PCDH15: variants seen among roughly 807,000 people sequenced by gnomAD.
The protein encoded by PCDH15 is protocadherin-15.
PCDH15 carries 129 observed loss-of-function variants against 178.5 expected under a neutral mutation model. The observed-to-expected ratio is 0.72, with a 90% CI of 0.63 to 0.84. PCDH15 has a LOEUF of 0.84. Ranked by LOEUF, PCDH15 falls within the 40% of genes least tolerant of loss-of-function variation. The pLI, the probability that PCDH15 is intolerant of heterozygous loss-of-function variation, is 0.00. For missense variants in PCDH15, 2,230 were observed against 2,099.9 expected (o/e 1.06, Z -1.21); for synonymous variants, 800 against 732.0 (o/e 1.09, Z -1.50).
intron 8 of PCDH15, among the ~76,000 whole-genome samples, chr10:54,315,222 A>G (rs1305755043): frequency 2.0e-5 from 3 of 152,152 alleles, no homozygotes; most frequent in African/African-American, 4.8e-5. Flanking sequence ...TTTTAATAAT[A>G]GTCATTTTGA....
At chr10:53,835,226 G>T (rs2077236518) in intron 29 of PCDH15, among the ~76,000 whole-genome samples, 1 of 152,134 alleles carries the variant, frequency 6.6e-6, no homozygotes. Flanking sequence ...GTCTAAGTGT[G>T]TTTTTAAACA....
intron 1 of PCDH15, among the ~76,000 whole-genome samples, chr10:55,266,766 T>A (rs1019928221): frequency 6.6e-6 from 1 of 151,822 alleles, no homozygotes. Context: ...CCACACAGAG[T>A]CTGGCCAAGG....
At chr10:54,032,394 G>A (rs375565883) in intron 18 of PCDH15, among the ~76,000 whole-genome samples, 13 of 151,710 alleles carry the variant, frequency 8.6e-5, no homozygotes, top group African/African-American at 2.9e-4. Flanking sequence ...AGGACAGGAT[G>A]GCTTATTTAT....
chr10:55,104,391 C>A (rs1842632547), intron 2 of PCDH15, among the ~76,000 whole-genome samples: 1 of 152,098 alleles, frequency 6.6e-6, no homozygotes, highest in African/African-American at 2.4e-5. Context: ...GCACACTTTG[C>A]CAGCATTACT....
chr10:54,249,293 C>T (rs2056272095), intron 8 of PCDH15, among the ~76,000 whole-genome samples: 1 of 151,928 alleles, frequency 6.6e-6, no homozygotes, highest in Non-Finnish European at 1.5e-5. Context: ...AATAGCTTTC[C>T]AAACCCACTA....
chr10:54,392,848 G>A (rs1333382815), intron 3 of PCDH15, among the ~76,000 whole-genome samples: 8 of 149,434 alleles, frequency 5.4e-5, no homozygotes, highest in African/African-American at 1.5e-4. Context: ...GTAGTGAGCC[G>A]TGATTATGCC....
chr10:55,451,983 A>G (rs1839445566), intron 2 of PCDH15, among the ~76,000 whole-genome samples: 1 of 152,216 alleles, frequency 6.6e-6, no homozygotes, highest in African/African-American at 2.4e-5. Flanking sequence ...GAATAGTTAT[A>G]CCAATTGTGA....
intron 2 of PCDH15, among the ~76,000 whole-genome samples, chr10:55,499,441 AC>A (rs1230217724): frequency 1.2e-3 from 186 of 150,558 alleles, no homozygotes; most frequent in African/African-American, 4.4e-3. Context: ...ACACACACAC[AC>A]ACACACACAC....
intron 2 of PCDH15, among the ~76,000 whole-genome samples, chr10:55,018,136 A>G (rs1840228928): frequency 6.6e-6 from 1 of 152,144 alleles, no homozygotes; most frequent in African/African-American, 2.4e-5. Flanking sequence ...TCATCTACCC[A>G]TTAACCTATT....
chr10:54,513,498 T>C (rs2081915707), intron 3 of PCDH15, among the ~76,000 whole-genome samples: 1 of 152,116 alleles, frequency 6.6e-6, no homozygotes, highest in Admixed American at 6.6e-5. Flanking sequence ...AGAATATTGT[T>C]ATATTATTTT....
intron 18 of PCDH15, among the ~76,000 whole-genome samples, chr10:54,060,288 G>T (rs2093986245): frequency 6.6e-6 from 1 of 152,116 alleles, no homozygotes; most frequent in Admixed American, 6.6e-5. Context: ...AGATTTTATA[G>T]TTTCTTAAGA....
intron 15 of PCDH15, among the ~76,000 whole-genome samples, chr10:54,112,687 T>G (rs2095047872): frequency 2.0e-5 from 3 of 152,184 alleles, no homozygotes; most frequent in Admixed American, 2.0e-4. Flanking sequence ...TAATGCATCA[T>G]TTCCCATGTC....
intron 2 of PCDH15, among the ~76,000 whole-genome samples, chr10:55,553,097 A>T (rs906255816): frequency 4.0e-5 from 6 of 151,668 alleles, no homozygotes; most frequent in African/African-American, 1.4e-4. Context: ...AATTTTTCTT[A>T]AATTGCTGAT....
intron 18 of PCDH15, among the ~76,000 whole-genome samples, chr10:54,055,673 C>G (rs535069213): frequency 2.6e-4 from 39 of 152,188 alleles, no homozygotes; most frequent in Non-Finnish European, 5.1e-4. Flanking sequence ...TCCCTCCCCC[C>G]TCAACCTCCA....
intron 1 of PCDH15, among the ~76,000 whole-genome samples, chr10:55,264,269 G>A (rs1010993620): frequency 2.0e-5 from 3 of 152,128 alleles, no homozygotes; most frequent in Non-Finnish European, 4.4e-5. Context: ...GGCATCCAAA[G>A]CCAGGCCACA....
intron 15 of PCDH15, among the ~76,000 whole-genome samples, chr10:54,121,622 T>C (rs2095220927): frequency 6.6e-6 from 1 of 152,042 alleles, no homozygotes; most frequent in Non-Finnish European, 1.5e-5. Context: ...TGGTGTAATG[T>C]CACAGCCGAT....
At position 55,237,354 on chromosome 10, in the gene PCDH15, T is replaced by A. The variant is rs559482396; in HGVS notation, c.-155-70703A>T. ...GCTCAGAATTCTTGGCCATTTTTAC[T>A]CACTCTTCATGTGTATTTCATATAT... is the stretch of plus-strand genomic sequence containing the variant. On this transcript the variant is annotated intron_variant, in intron 1 of 5. Transcript: ENST00000458638. Among the ~76,000 whole-genome samples the A allele has an allele frequency of 2.4e-3, 367 of 152,326 alleles. 3 individuals carry two copies. The highest frequency in any genetic ancestry group is 8.4e-3 in the African/African-American group (350 of 41,582).
chr10:55,559,667 GA>G (rs1372121638), intron 2 of PCDH15, among the ~76,000 whole-genome samples: 5 of 150,194 alleles, frequency 3.3e-5, no homozygotes, highest in Admixed American at 6.6e-5. Flanking sequence ...ATTCTCACTA[GA>G]AAAAAAAATC....
At chr10:54,228,949 T>A (rs1021184992) in intron 9 of PCDH15, among the ~76,000 whole-genome samples, 5 of 152,232 alleles carry the variant, frequency 3.3e-5, no homozygotes, top group Admixed American at 1.3e-4. Context: ...TCTGTTTGCT[T>A]TCAACACATT....
Sources: allele counts gnomAD v4.1 joint callset (sites outside exome capture counted in the v4.1 genomes callset), GRCh38; gene constraint gnomAD v4.1.1; transcripts MANE v1.5; gene names NCBI Gene and HGNC (gene_info 2026-07-23, HGNC 2026-07-21).